The following ALPK1 variants were observed in gnomAD, a reference collection of about 807,000 sequenced individuals.
ALPK1 encodes alpha-protein kinase 1.
In ALPK1, 110 loss-of-function variants were observed where a neutral mutation model predicts 120.6. The observed-to-expected ratio is 0.91, with a 90% confidence interval of 0.78 to 1.07. ALPK1 has a LOEUF of 1.07. ALPK1 is among the 50% of genes least tolerant of loss of function. The pLI is 0.00. For synonymous variants in ALPK1, 582 were observed against 560.3 expected (o/e 1.04, Z -0.55); for missense variants, 1,498 against 1,483.9 (o/e 1.01, Z -0.16).
intron 2 of ALPK1, among the ~76,000 whole-genome samples, chr4:112,351,678 T>C (rs1293782320): frequency 6.6e-6 from 1 of 152,180 alleles, no homozygotes; most frequent in Non-Finnish European, 1.5e-5. Context: ...TTTGCCATGT[T>C]GGCCAGGCTG....
At chr4:112,379,607 G>T (rs879820040) in intron 3 of ALPK1, among the ~76,000 whole-genome samples, 2 of 152,212 alleles carry the variant, frequency 1.3e-5, no homozygotes, top group Non-Finnish European at 2.9e-5. Flanking sequence ...CACCGATGTC[G>T]TCACCGCATG....
intron 3 of ALPK1, among the ~76,000 whole-genome samples, chr4:112,378,850 T>G (rs1022263176): frequency 6.6e-6 from 1 of 152,194 alleles, no homozygotes; most frequent in African/African-American, 2.4e-5. Flanking sequence ...ATGGAAGTCT[T>G]AATTATTTGT....
Position 112,382,392 on chromosome 4 carries a change from T to C in ALPK1, c.122-6T>C. 2 of 1,612,386 alleles carry C rather than the reference T, an allele frequency of 1.2e-6. No homozygotes were observed. The highest frequency in any genetic ancestry group is 1.7e-6 in the Non-Finnish European group (2 of 1,179,478). On this transcript the variant is annotated splice_polypyrimidine_tract_variant and splice_region_variant and intron_variant, in intron 3 of 15. Coordinates refer to ENST00000650871, the MANE Select transcript of ALPK1 (RefSeq NM_025144.4). ...AATTTCCTTACCTGAACTCTGACCTTTTCAGCTTTACTCCCCAGCGAGTTA... is the reference window on the plus strand; with the variant it reads ...AATTTCCTTACCTGAACTCTGACCTCTTCAGCTTTACTCCCCAGCGAGTTA...
At chr4:112,368,236 C>G (rs112312433) in intron 2 of ALPK1, among the ~76,000 whole-genome samples, 42 of 152,042 alleles carry the variant, frequency 2.8e-4, no homozygotes, top group African/African-American at 9.9e-4. Context: ...ATATTTTTAT[C>G]GAATCTATGC....
At chr4:112,310,235 A>T (rs1338696952) in intron 1 of ALPK1, among the ~76,000 whole-genome samples, 3 of 152,116 alleles carry the variant, frequency 2.0e-5, no homozygotes, top group African/African-American at 7.3e-5. Flanking sequence ...TAATTCATAA[A>T]TTCATCAACA....
chr4:112,337,431 A>C (rs959342529), intron 2 of ALPK1, among the ~76,000 whole-genome samples: 3 of 152,216 alleles, frequency 2.0e-5, no homozygotes, highest in East Asian at 1.9e-4. Context: ...GCAGTGACTC[A>C]AACTTGTAAG....
chr4:112,309,572 A>G (rs6855465), intron 1 of ALPK1, among the ~76,000 whole-genome samples: 3,052 of 152,136 alleles, frequency 0.02, 126 homozygotes, highest in African/African-American at 0.069. Context: ...ATCTCCTCGT[A>G]TGCCATTTGC....
chr4:112,312,716 G>A (rs1042239179), intron 1 of ALPK1, among the ~76,000 whole-genome samples: 1 of 152,216 alleles, frequency 6.6e-6, no homozygotes, highest in Non-Finnish European at 1.5e-5. Flanking sequence ...CAAGCCAGGA[G>A]TTATTTGTGA....
chr4:112,414,323 A>G (rs767875029), intron 5 of ALPK1: 30 of 487,490 alleles, frequency 6.2e-5, no homozygotes, highest in Non-Finnish European at 1.1e-4. Context: ...GAAGACCCAC[A>G]AGGCCAGGCA....
chr4:112,303,980 A>G (rs993671927), intron 1 of ALPK1, among the ~76,000 whole-genome samples: 1 of 151,824 alleles, frequency 6.6e-6, no homozygotes, highest in Non-Finnish European at 1.5e-5. Flanking sequence ...GTTCCCACCT[A>G]TGAGTGAGAA....
chr4:112,430,418 A>C, intron 10 of ALPK1, 30 bp from the exon 11 acceptor site: 1 of 1,525,942 alleles, frequency 6.6e-7, no homozygotes, highest in African/African-American at 1.4e-5. Flanking sequence ...TCAATTCAAT[A>C]TCTGATTTGG....
At chr4:112,408,618 C>T (rs555011484) in intron 4 of ALPK1, among the ~76,000 whole-genome samples, 2 of 152,160 alleles carry the variant, frequency 1.3e-5, no homozygotes, top group African/African-American at 4.8e-5. Flanking sequence ...GAACCACAGG[C>T]ATTTGCTACC....
At chr4:112,437,233 A>T (rs994496976) in intron 12 of ALPK1, among the ~76,000 whole-genome samples, 1 of 152,186 alleles carries the variant, frequency 6.6e-6, no homozygotes, top group African/African-American at 2.4e-5. Flanking sequence ...GAATTCAGAG[A>T]CAATGGAAGT....
intron 2 of ALPK1, among the ~76,000 whole-genome samples, chr4:112,331,316 A>G (rs754516446): frequency 1.3e-5 from 2 of 152,172 alleles, no homozygotes; most frequent in East Asian, 1.9e-4. Flanking sequence ...GGACATTTAC[A>G]TGGGGCACAA....
chr4:112,429,935 C>T (rs1734461761), intron 10 of ALPK1, among the ~76,000 whole-genome samples: 1 of 150,476 alleles, frequency 6.6e-6, no homozygotes, highest in African/African-American at 2.4e-5. Context: ...CCTAGATCCA[C>T]TAAATGCAAA....
intron 2 of ALPK1, among the ~76,000 whole-genome samples, chr4:112,364,622 G>A (rs574310189): frequency 7.9e-5 from 12 of 152,268 alleles, no homozygotes; most frequent in African/African-American, 2.6e-4. Context: ...AATTCTATCA[G>A]ACATGCAAAG....
intron 12 of ALPK1, among the ~76,000 whole-genome samples, chr4:112,436,887 A>T (rs1007277641): frequency 2.0e-5 from 3 of 152,244 alleles, no homozygotes; most frequent in African/African-American, 4.8e-5. Context: ...GGAGTGGCAG[A>T]GTTCAATATA....
intron 1 of ALPK1, among the ~76,000 whole-genome samples, chr4:112,297,854 A>G (rs1453482108): frequency 2.0e-5 from 3 of 152,154 alleles, no homozygotes; most frequent in East Asian, 3.8e-4. Context: ...ATTTGTTTAA[A>G]AAAAAACTCT....
chr4:112,366,956 C>A (rs1359918367), intron 2 of ALPK1, among the ~76,000 whole-genome samples: 1 of 152,148 alleles, frequency 6.6e-6, no homozygotes, highest in East Asian at 1.9e-4. Context: ...AATGGAAAAC[C>A]AAACGTCGTA....
Sources: allele counts gnomAD v4.1 joint callset (sites outside exome capture counted in the v4.1 genomes callset), GRCh38; gene constraint gnomAD v4.1.1; transcripts MANE v1.5; gene names NCBI Gene and HGNC (gene_info 2026-07-23, HGNC 2026-07-21).